The following TMPRSS15 variants were observed in gnomAD, a reference collection of about 807,000 sequenced individuals.
TMPRSS15 encodes the protein enteropeptidase.
In TMPRSS15, 128 loss-of-function variants were observed where a neutral mutation model predicts 125.3. That is an observed-to-expected ratio of 1.02 (90% CI 0.89 to 1.18). TMPRSS15 has a LOEUF of 1.18. Among genes scored for constraint, TMPRSS15 ranks in the 50% most tolerant of loss-of-function variants. TMPRSS15 has a pLI of 0.00. For synonymous variants in TMPRSS15, 446 were observed against 423.2 expected (o/e 1.05, Z -0.66); for missense variants, 1,283 against 1,212.7 (o/e 1.06, Z -0.86).
At chr21:18,275,910 C>CTT (rs2074614421) in intron 23 of TMPRSS15, among the ~76,000 whole-genome samples, 1 of 152,246 alleles carries the variant, frequency 6.6e-6, no homozygotes, top group South Asian at 2.1e-4. Context: ...GCAGAGTGTA[C>CTT]TTACCTGCTT....
chr21:18,299,544 C>T (rs1037763769), intron 18 of TMPRSS15, among the ~76,000 whole-genome samples: 2 of 152,198 alleles, frequency 1.3e-5, no homozygotes, highest in Non-Finnish European at 2.9e-5. Flanking sequence ...TTCGTTGATT[C>T]GTGAACATCA....
At chr21:18,360,625 C>T (rs1336171497) in intron 7 of TMPRSS15, among the ~76,000 whole-genome samples, 1 of 151,968 alleles carries the variant, frequency 6.6e-6, no homozygotes, top group African/African-American at 2.4e-5. Context: ...TTATAGTGGG[C>T]TTTCTATTCT....
chr21:18,361,877 G>A lies in TMPRSS15; in HGVS notation c.774-2014C>T, dbSNP rs2075682242. ...GGGAGATAAAGTTAGAGTGGTGGTAGGTTATTAAAAAAAAAACAAACCCAA... is the reference window on the plus strand; with the variant it reads ...GGGAGATAAAGTTAGAGTGGTGGTAAGTTATTAAAAAAAAAACAAACCCAA... On this transcript the variant is annotated intron_variant, in intron 7 of 24. Coordinates refer to ENST00000284885, the MANE Select transcript of TMPRSS15 (RefSeq NM_002772.3). Among the ~76,000 whole-genome samples, 3 of 104,710 alleles carry A rather than the reference G, an allele frequency of 2.9e-5. No homozygotes were observed. In the South Asian group the frequency reaches 9.9e-4, roughly 35 times the overall value. 68.7% of individuals were successfully genotyped at this position (104,710 alleles called of 152,430 possible).
In TMPRSS15 at chr21:18,297,785, G is replaced by C; in HGVS notation, c.2210C>G (p.Pro737Arg). The C allele has an allele frequency of 6.2e-7, 1 of 1,613,758 alleles. No individual in the cohort carries two copies. The highest frequency in any genetic ancestry group is 8.5e-7 in the Non-Finnish European group (1 of 1,179,788). ...AGGTGCTGTGTTTAATTTGACAAAT[G>C]GTCCACCATCGGTAGGGAAGATTGG... ...SKPIFPTDGG[P>R]FVKLNTAPDG... Residue 737 changes from proline (P) to arginine (R), a missense_variant, in exon 19 of 25, where the codon CCA becomes CGA. By Grantham distance (103) the Pro-to-Arg change is moderately radical (BLOSUM62 -2). Transcript: ENST00000284885.
intron 1 of TMPRSS15, among the ~76,000 whole-genome samples, chr21:18,427,599 C>T (rs935681878): frequency 1.3e-5 from 2 of 152,088 alleles, no homozygotes; most frequent in East Asian, 1.9e-4. Context: ...TGCTCAGGAC[C>T]GACCTACTTC....
chr21:18,325,116 A>C (rs894180588), intron 16 of TMPRSS15, among the ~76,000 whole-genome samples: 1 of 152,070 alleles, frequency 6.6e-6, no homozygotes, highest in African/African-American at 2.4e-5. Context: ...ATATCTATTG[A>C]TATTTGCATC....
intron 1 of TMPRSS15, among the ~76,000 whole-genome samples, chr21:18,472,027 C>A (rs1006906622): frequency 2.6e-5 from 4 of 151,998 alleles, no homozygotes; most frequent in Admixed American, 6.6e-5. Flanking sequence ...TAGGGAGAGA[C>A]AGAATAATCC....
chr21:18,434,242 T>C (rs1188031091), intron 1 of TMPRSS15, among the ~76,000 whole-genome samples: 1 of 152,066 alleles, frequency 6.6e-6, no homozygotes, highest in African/African-American at 2.4e-5. Context: ...CGTATACTCA[T>C]ATCTATAGCT....
chr21:18,425,078 A>G (rs1475744750), intron 1 of TMPRSS15, among the ~76,000 whole-genome samples: 5 of 151,756 alleles, frequency 3.3e-5, no homozygotes, highest in Admixed American at 3.3e-4. Context: ...CTATCAATGG[A>G]TAAATAATAT....
chr21:18,473,150 A>C (rs531822821), intron 1 of TMPRSS15, among the ~76,000 whole-genome samples: 2 of 152,296 alleles, frequency 1.3e-5, no homozygotes, highest in South Asian at 4.1e-4. Context: ...TAGCATAAAA[A>C]TCAGAAGCTC....
intron 21 of TMPRSS15, among the ~76,000 whole-genome samples, chr21:18,293,096 G>T (rs2074858250): frequency 6.6e-6 from 1 of 152,130 alleles, no homozygotes; most frequent in Non-Finnish European, 1.5e-5. Context: ...CTGGGATTAT[G>T]CATTTGAGTC....
intron 1 of TMPRSS15, among the ~76,000 whole-genome samples, chr21:18,445,731 TA>T (rs1214193473): frequency 6.6e-6 from 1 of 152,144 alleles, no homozygotes; most frequent in African/African-American, 2.4e-5. Flanking sequence ...TATTAGATGC[TA>T]AAAAAGCGTT....
upstream of TMPRSS15, among the ~76,000 whole-genome samples, chr21:18,407,239 C>T (rs1421034106): frequency 6.6e-6 from 1 of 151,956 alleles, no homozygotes; most frequent in East Asian, 1.9e-4. Flanking sequence ...ATTTGAAATA[C>T]ATTAATGAAC....
intron 6 of TMPRSS15, among the ~76,000 whole-genome samples, chr21:18,365,631 T>TCTCC (rs397961885): frequency 1.4e-5 from 1 of 69,454 alleles, no homozygotes; most frequent in Non-Finnish European, 3.2e-5. Flanking sequence ...TTTCTTTCTC[T>TCTCC]TTCTCTCTCT....
At chr21:18,280,056 T>C (rs2074672922) in intron 22 of TMPRSS15, among the ~76,000 whole-genome samples, 1 of 152,204 alleles carries the variant, frequency 6.6e-6, no homozygotes, top group African/African-American at 2.4e-5. Context: ...CTGCTTTTGA[T>C]AAGTGCTGTA....
intron 16 of TMPRSS15, among the ~76,000 whole-genome samples, chr21:18,321,108 A>G (rs1421753744): frequency 6.8e-6 from 1 of 147,730 alleles, no homozygotes; most frequent in Non-Finnish European, 1.5e-5. Flanking sequence ...GTTGAATTCC[A>G]TCGTTAAGAC....
upstream of TMPRSS15, among the ~76,000 whole-genome samples, chr21:18,407,424 ACTTT>A (rs773590483): frequency 6.7e-5 from 10 of 148,188 alleles, no homozygotes; most frequent in East Asian, 2.0e-4. Flanking sequence ...TATGTGCTAA[ACTTT>A]CTTTTTCTTT....
chr21:18,404,452 C>T (rs2123152690), upstream of TMPRSS15, among the ~76,000 whole-genome samples: 1 of 151,960 alleles, frequency 6.6e-6, no homozygotes, highest in East Asian at 1.9e-4. Context: ...TTTAAATATG[C>T]CAATTAGAAC....
intron 10 of TMPRSS15, among the ~76,000 whole-genome samples, chr21:18,350,286 C>T (rs971084987): frequency 2.0e-5 from 3 of 152,102 alleles, no homozygotes; most frequent in Admixed American, 6.6e-5. Context: ...ATTTTCAACA[C>T]TAAACTTTTT....
Sources: gnomAD v4.1 joint callset for allele counts (sites outside exome capture counted in the v4.1 genomes callset) on GRCh38, gnomAD v4.1.1 for gene constraint, MANE v1.5 for transcripts, NCBI Gene and HGNC (gene_info 2026-07-23, HGNC 2026-07-21) for gene names.